RALA: variants seen among roughly 807,000 people sequenced by gnomAD.
RALA encodes the protein ras-related protein Ral-A.
In RALA, 5 loss-of-function variants were observed where a neutral mutation model predicts 24.0. That is an observed-to-expected ratio of 0.21 (90% confidence interval 0.11 to 0.44). RALA has a LOEUF of 0.44. Ranked by LOEUF, RALA falls within the 20% of genes least tolerant of loss-of-function variation. RALA has a pLI of 0.99. For missense variants in RALA, 95 were observed against 241.2 expected (o/e 0.39, Z 4.01); for synonymous variants, 77 against 83.8 (o/e 0.92, Z 0.44).
intron 1 of RALA, among the ~76,000 whole-genome samples, chr7:39,629,299 C>T (rs939278151): frequency 6.6e-6 from 1 of 152,188 alleles, no homozygotes; most frequent in African/African-American, 2.4e-5. Flanking sequence ...GAAATTGTAT[C>T]TCAGTGTATT....
At chr7:39,681,624 G>A (rs535699799) in intron 1 of RALA, among the ~76,000 whole-genome samples, 1 of 151,936 alleles carries the variant, frequency 6.6e-6, no homozygotes, top group Admixed American at 6.6e-5. Flanking sequence ...GTGACTGTGC[G>A]ATTACTAGAT....
At chr7:39,690,713 T>A in intron 3 of RALA, 123 bp downstream of exon 3, 1 of 749,434 alleles carries the variant, frequency 1.3e-6, no homozygotes, top group Non-Finnish European at 2.1e-6. Context: ...TTGTGTTTAT[T>A]CCCTTTTTGA....
At chr7:39,692,008 AG>A (rs1179413537) in intron 3 of RALA, among the ~76,000 whole-genome samples, 1 of 152,198 alleles carries the variant, frequency 6.6e-6, no homozygotes, top group Non-Finnish European at 1.5e-5. Context: ...ATAGAAAATA[AG>A]GATGATTCAT....
At chr7:39,624,193 G>A (rs1321098649) in intron 1 of RALA, 1 of 152,418 alleles carries the variant, frequency 6.6e-6, no homozygotes, top group Non-Finnish European at 1.5e-5. Context: ...CAGTCCCCGC[G>A]CCTCACTCCA....
rs962924767 is a variant in RALA at position 39,707,558 on chromosome 7, C to T, written c.*1313C>T. 2 of 151,982 alleles carry T rather than the reference C, an allele frequency of 1.3e-5. No individual in the cohort carries two copies. Among genetic ancestry groups the T allele is most frequent in the Non-Finnish European group, 2.9e-5 (2 of 68,008 alleles). The allele number at this position is 151,982 out of a possible 1,614,324, so 9.4% of individuals were successfully genotyped here. A position where few individuals can be genotyped will look rare whatever the true frequency, so the allele number is the denominator to read the frequency against. Reference sequence around the variant, plus strand: ...TACCTGCTGGAAGAATTCTAGCATGCTACTTGGGGACATAATTTCAGTGGG... The same window carrying T: ...TACCTGCTGGAAGAATTCTAGCATGTTACTTGGGGACATAATTTCAGTGGG... On this transcript the variant is annotated 3_prime_UTR_variant, in exon 5 of 5. Coordinates refer to ENST00000005257, the MANE Select transcript of RALA (RefSeq NM_005402.4).
intron 4 of RALA, chr7:39,697,485 C>G: frequency 2.2e-6 from 1 of 456,450 alleles, no homozygotes; most frequent in Admixed American, 2.4e-5. Flanking sequence ...GCTCCAGTAT[C>G]TAGAAAGACT....
At chr7:39,658,083 G>A (rs568809162) in intron 1 of RALA, among the ~76,000 whole-genome samples, 1 of 152,316 alleles carries the variant, frequency 6.6e-6, no homozygotes, top group South Asian at 2.1e-4. Context: ...GGAAATGACT[G>A]AGGAGCGTTG....
At chr7:39,652,643 T>C (rs1583717945) in intron 1 of RALA, among the ~76,000 whole-genome samples, 1 of 152,172 alleles carries the variant, frequency 6.6e-6, no homozygotes, top group African/African-American at 2.4e-5. Context: ...TCATAATACC[T>C]GTATAAGGTA....
At chr7:39,640,612 A>G (rs1387807797) in intron 1 of RALA, among the ~76,000 whole-genome samples, 1 of 152,230 alleles carries the variant, frequency 6.6e-6, no homozygotes, top group Non-Finnish European at 1.5e-5. Flanking sequence ...GATGTTGACC[A>G]TGAGCCTTTC....
At chr7:39,689,453 A>G (rs555494715) in intron 2 of RALA, among the ~76,000 whole-genome samples, 3 of 152,352 alleles carry the variant, frequency 2.0e-5, no homozygotes, top group South Asian at 2.1e-4. Flanking sequence ...GGCTTTAGAG[A>G]TATAATGATG....
At chr7:39,653,094 A>T (rs1792045221) in intron 1 of RALA, among the ~76,000 whole-genome samples, 1 of 151,476 alleles carries the variant, frequency 6.6e-6, no homozygotes, top group Non-Finnish European at 1.5e-5. Context: ...CAGTGGTGCG[A>T]TCTCGGCTCA....
chr7:39,636,001 A>G (rs899525829), intron 1 of RALA, among the ~76,000 whole-genome samples: 1 of 152,116 alleles, frequency 6.6e-6, no homozygotes, highest in Non-Finnish European at 1.5e-5. Flanking sequence ...ACCTAACATA[A>G]TGTTTTCAAG....
intron 1 of RALA, among the ~76,000 whole-genome samples, chr7:39,652,802 G>A (rs1359854955): frequency 2.6e-5 from 4 of 152,026 alleles, no homozygotes; most frequent in African/African-American, 9.7e-5. Flanking sequence ...GAGATGGTCT[G>A]TTGCCCAGGC....
intron 4 of RALA, among the ~76,000 whole-genome samples, chr7:39,699,118 GTTATTTTTTTTT>G (rs1792970873): frequency 2.4e-5 from 2 of 84,140 alleles, no homozygotes; most frequent in Admixed American, 1.2e-4. Flanking sequence ...TGCTAAAAAT[GTTATTTTTTTTT>G]TTTTTTTTTT....
intron 2 of RALA, among the ~76,000 whole-genome samples, chr7:39,688,579 ATTT>A (rs34265657): frequency 7.0e-6 from 1 of 142,768 alleles, no homozygotes; most frequent in Admixed American, 7.0e-5. Flanking sequence ...CACATGCCTA[ATTT>A]TTTTTTTTTT....
intron 1 of RALA, among the ~76,000 whole-genome samples, chr7:39,651,710 GCTAT>G (rs1319640221): frequency 2.6e-5 from 4 of 151,656 alleles, no homozygotes; most frequent in East Asian, 1.9e-4. Flanking sequence ...ATTTTATTTT[GCTAT>G]CTAATTTTTT....
intron 1 of RALA, among the ~76,000 whole-genome samples, chr7:39,662,544 T>G (rs1792210851): frequency 1.3e-5 from 2 of 152,264 alleles, no homozygotes; most frequent in South Asian, 4.1e-4. Flanking sequence ...AGATCTCTAG[T>G]TCAGGGGCAA....
intron 1 of RALA, among the ~76,000 whole-genome samples, chr7:39,661,080 G>A (rs1792178858): frequency 1.3e-5 from 2 of 152,102 alleles, no homozygotes; most frequent in Admixed American, 1.3e-4. Context: ...GAGCTAAAAG[G>A]GAAACTCCTT....
At position 39,708,011 on chromosome 7, in the gene RALA, A is replaced by G. The variant is rs995713525; in HGVS notation, c.*1766A>G. ...TTCCTCTCCTGGGTACTGAGGTGCT[A>G]TGAAGCCAACTGACAAAGATGCATC... On this transcript the variant is annotated 3_prime_UTR_variant, in exon 5 of 5. Coordinates refer to ENST00000005257, the MANE Select transcript of RALA (RefSeq NM_005402.4). 4 of 152,670 alleles carry G rather than the reference A, an allele frequency of 2.6e-5. No individual in the cohort carries two copies. Among genetic ancestry groups the G allele is most frequent in the Admixed American group, 1.3e-4 (2 of 15,290 alleles). 9.5% of individuals were successfully genotyped at this position (152,670 alleles called of 1,614,324 possible). A position where few individuals can be genotyped will look rare whatever the true frequency, so the allele number is the denominator to read the frequency against.
Sources: allele counts gnomAD v4.1 joint callset (sites outside exome capture counted in the v4.1 genomes callset), GRCh38; gene constraint gnomAD v4.1.1; transcripts MANE v1.5; gene names NCBI Gene and HGNC (gene_info 2026-07-23, HGNC 2026-07-21).